HLCS: variants seen among roughly 807,000 people sequenced by gnomAD.
HLCS encodes the protein holocarboxylase synthetase, also known as biotin--protein ligase.
In HLCS, 53 loss-of-function variants were observed where a neutral mutation model predicts 75.0. That is an observed-to-expected ratio of 0.71 (90% CI 0.57 to 0.89). The LOEUF (loss-of-function observed/expected upper bound fraction) is 0.89, where lower values mean the gene tolerates loss of function less well. Among genes scored for constraint, HLCS ranks in the 40% least tolerant of loss-of-function variants. HLCS has a pLI of 0.00. For synonymous variants in HLCS, 431 were observed against 428.6 expected (o/e 1.01, Z -0.07); for missense variants, 966 against 1,074.0 (o/e 0.90, Z 1.41).
At chr21:36,767,859 C>T (rs982902121) in intron 6 of HLCS, among the ~76,000 whole-genome samples, 1 of 152,222 alleles carries the variant, frequency 6.6e-6, no homozygotes, top group Non-Finnish European at 1.5e-5. Flanking sequence ...CGCAGGAGAA[C>T]TCTGCATCGT....
intron 6 of HLCS, among the ~76,000 whole-genome samples, chr21:36,814,839 G>A (rs574824555): frequency 7.9e-5 from 12 of 152,182 alleles, no homozygotes; most frequent in Non-Finnish European, 1.8e-4. Context: ...TTCAAAATTC[G>A]TTTCACTGGT....
chr21:36,753,974 G>GTT lies in HLCS; in HGVS notation c.*271_*272insAA. On this transcript the variant is annotated 3_prime_UTR_variant, in exon 11 of 11. Transcript: ENST00000674895. The surrounding 1 kb of genome is among the most constrained non-coding windows in gnomAD (Gnocchi z 4.3). ...GTAAAAACTCCCCTTGACAATAAAC[G>GTT]TAAGTCCAAGCCACAGAGGGGAGAG... 9.5e-6 allele frequency: 5 copies of GTT among 523,682 alleles called. No homozygotes were observed. Among genetic ancestry groups the GTT allele is most frequent in the Non-Finnish European group, 1.7e-5 (5 of 289,742 alleles). The allele number at this position is 523,682 out of a possible 1,614,324, so 32.4% of individuals were successfully genotyped here. A position where few individuals can be genotyped will look rare whatever the true frequency, so the allele number is the denominator to read the frequency against.
chr21:36,912,097 G>A (rs1316871205), intron 5 of HLCS, among the ~76,000 whole-genome samples: 1 of 150,510 alleles, frequency 6.6e-6, no homozygotes, highest in Admixed American at 6.6e-5. Flanking sequence ...AAATTAAACA[G>A]AGAATTAATA....
intron 10 of HLCS, among the ~76,000 whole-genome samples, chr21:36,754,783 C>T (rs558605788): frequency 5.3e-5 from 8 of 152,190 alleles, no homozygotes; most frequent in South Asian, 2.1e-4. Context: ...GAAAATAGGC[C>T]GAGTTGGCAA....
intron 1 of HLCS, among the ~76,000 whole-genome samples, chr21:36,979,281 AAAAAAAAGAAAG>A (rs2069039993): frequency 1.4e-5 from 2 of 145,174 alleles, no homozygotes. Context: ...TCAAAAAAAA[AAAAAAAAGAAAG>A]AAAGAAAAAA....
chr21:36,833,593 TTATATA>T (rs56412653), intron 6 of HLCS, among the ~76,000 whole-genome samples: 10 of 140,008 alleles, frequency 7.1e-5, no homozygotes, highest in Admixed American at 2.1e-4. Flanking sequence ...TAAAAAAAAA[TTATATA>T]TATATATATA....
intron 6 of HLCS, among the ~76,000 whole-genome samples, chr21:36,769,534 C>G (rs1009444727): frequency 6.6e-6 from 1 of 152,316 alleles, no homozygotes; most frequent in Middle Eastern, 3.4e-3. Flanking sequence ...ATGATTACCT[C>G]CCTGCTTCTG....
intron 6 of HLCS, among the ~76,000 whole-genome samples, chr21:36,782,587 C>G (rs1045398379): frequency 2.0e-5 from 3 of 152,116 alleles, no homozygotes; most frequent in Admixed American, 1.3e-4. Context: ...AAAACGTGTT[C>G]CATGGAGAGG....
At chr21:36,801,782 C>CTTT (rs113671511) in intron 6 of HLCS, among the ~76,000 whole-genome samples, 66 of 145,738 alleles carry the variant, frequency 4.5e-4, no homozygotes, top group African/African-American at 1.5e-3. Flanking sequence ...GATTTCCTTT[C>CTTT]TTTTTTTTTT....
intron 2 of HLCS, among the ~76,000 whole-genome samples, chr21:36,948,590 G>A (rs1199571853): frequency 1.3e-5 from 2 of 150,866 alleles, no homozygotes; most frequent in African/African-American, 4.9e-5. Flanking sequence ...CTAGCTGGGT[G>A]TGGTGGCACA....
At chr21:36,848,276 T>G (rs561745050) in intron 6 of HLCS, among the ~76,000 whole-genome samples, 4 of 151,496 alleles carry the variant, frequency 2.6e-5, no homozygotes, top group East Asian at 3.8e-4. Context: ...TTGTTGTTTT[T>G]TTTTTTTTTT....
chr21:36,979,856 A>G (rs926810680), intron 1 of HLCS, among the ~76,000 whole-genome samples: 1 of 151,980 alleles, frequency 6.6e-6, no homozygotes, highest in African/African-American at 2.4e-5. Flanking sequence ...CAAGTTCAAG[A>G]CCAGCCTGGG....
At chr21:36,929,120 C>A (rs1293674769) in intron 5 of HLCS, among the ~76,000 whole-genome samples, 1 of 152,218 alleles carries the variant, frequency 6.6e-6, no homozygotes, top group Non-Finnish European at 1.5e-5. Context: ...AGAGAATAAC[C>A]TGGGGCAGGG....
intron 6 of HLCS, among the ~76,000 whole-genome samples, chr21:36,824,452 G>A (rs1011525216): frequency 4.6e-5 from 7 of 152,198 alleles, no homozygotes; most frequent in Non-Finnish European, 7.3e-5. Context: ...GAAGGGAAAA[G>A]GGGAGGGAGA....
chr21:36,966,601 C>A lies in HLCS; in HGVS notation c.38G>T (p.Arg13Leu). The A allele has an allele frequency of 1.0e-6, 1 of 993,456 alleles. No individual in the cohort carries two copies. Among genetic ancestry groups the A allele is most frequent in the African/African-American group, 1.8e-5 (1 of 57,098 alleles). The allele number at this position is 993,456 out of a possible 1,614,324, so 61.5% of individuals were successfully genotyped here. Residue 13 changes from arginine (R) to leucine (L), a missense_variant, in exon 1 of 11, where the codon CGC becomes CTC. Physicochemically the swap from Arg to Leu is moderately radical, Grantham distance 102. Transcript: ENST00000674895. ...GAGCTCAGCCGGCCGGCGACCCCAG[C>A]GCGCCCACAGGTACAGGTAGCACAG... ...ITLCYLYLWARWGRRPAELVR... is the reference protein window; with the variant it reads ...ITLCYLYLWALWGRRPAELVR...
In HLCS at chr21:36,753,975, T is replaced by TA. The variant is rs886057074; in HGVS notation, c.*270dup. On this transcript the variant is annotated 3_prime_UTR_variant, in exon 11 of 11. Coordinates refer to ENST00000674895, the MANE Select transcript of HLCS (RefSeq NM_001352514.2). This position sits in a 1 kb window ranked among gnomAD's most constrained non-coding sequence, Gnocchi z 4.3. ...TAAAAACTCCCCTTGACAATAAACGTAAGTCCAAGCCACAGAGGGGAGAGC... is the reference window on the plus strand; with the variant it reads ...TAAAAACTCCCCTTGACAATAAACGTAAAGTCCAAGCCACAGAGGGGAGAGC... 9.4e-5 allele frequency: 50 copies of TA among 530,066 alleles called. No individual in the cohort carries two copies. The highest frequency in any genetic ancestry group is 1.6e-4 in the Non-Finnish European group (46 of 293,966). 32.8% of individuals were successfully genotyped at this position (530,066 alleles called of 1,614,324 possible).
rs2089425509 is a variant in HLCS at position 36,752,975 on chromosome 21, A to G, written c.*1271T>C. 6.5e-6 allele frequency: 1 copy of G among 152,702 alleles called. No homozygotes were observed. The highest frequency in any genetic ancestry group is 2.4e-5 in the African/African-American group (1 of 41,478). 9.5% of individuals were successfully genotyped at this position (152,702 alleles called of 1,614,324 possible). A position where few individuals can be genotyped will look rare whatever the true frequency, so the allele number is the denominator to read the frequency against. ...ACTGGACAAAAATTGGCCTTTTAAA[A>G]AGCTGAAAAGTAATGAGTATGATTC... On this transcript the variant is annotated 3_prime_UTR_variant, in exon 11 of 11. Transcript: ENST00000674895.
At chr21:36,960,122 G>C (rs2068201852) in intron 2 of HLCS, among the ~76,000 whole-genome samples, 1 of 40,228 alleles carries the variant, frequency 2.5e-5, no homozygotes, top group African/African-American at 1.1e-4. Flanking sequence ...GCCTTGCATG[G>C]AGCCACCCAC....
intron 5 of HLCS, among the ~76,000 whole-genome samples, chr21:36,908,165 G>C (rs2146384255): frequency 6.6e-6 from 1 of 152,068 alleles, no homozygotes; most frequent in East Asian, 1.9e-4. Context: ...CAAGAGGATT[G>C]CTTGAGCCCA....
Sources: allele counts gnomAD v4.1 joint callset (sites outside exome capture counted in the v4.1 genomes callset), GRCh38; gene constraint gnomAD v4.1.1; non-coding constraint Gnocchi (gnomAD v3.1); transcripts MANE v1.5; gene names NCBI Gene and HGNC (gene_info 2026-07-23, HGNC 2026-07-21).